TMEM178B: variants seen among roughly 807,000 people sequenced by gnomAD.
TMEM178B encodes the protein transmembrane protein 178B.
TMEM178B carries 5 observed loss-of-function variants against 31.0 expected under a neutral mutation model. The observed-to-expected ratio is 0.16, with a 90% confidence interval of 0.08 to 0.34. The LOEUF is 0.34. TMEM178B is among the 10% of genes least tolerant of loss of function. The pLI is 1.00. For missense variants in TMEM178B, 275 were observed against 400.3 expected, an observed-to-expected ratio of 0.69 and a Z score of 2.67; for synonymous variants, 164 against 164.0, an observed-to-expected ratio of 1.00 and a Z score of 0.00.
Position 141,074,367 on chromosome 7 carries a change from C to A in TMEM178B, c.57C>A (p.Leu19=). 2 of 1,536,132 alleles carry A rather than the reference C, an allele frequency of 1.3e-6. No individual in the cohort carries two copies. The highest frequency in any genetic ancestry group is 1.7e-6 in the Non-Finnish European group (2 of 1,146,866). The part of the protein sequence containing the change: ...YTGLSLALCA[L]GMLAVAICSD... ...GCCTCTCGCTAGCGCTCTGCGCCCT[C>A]GGCATGCTGGCCGTGGCCATCTGCT... is the stretch of plus-strand genomic sequence containing the variant. The change falls in exon 1 of 4, where the codon CTC becomes CTA. Residue 19 remains leucine (L), a synonymous_variant. Coordinates refer to ENST00000565468, the MANE Select transcript of TMEM178B (RefSeq NM_001195278.2). This position sits in a 1 kb window ranked among gnomAD's most constrained non-coding sequence, Gnocchi z 5.1.
At chr7:141,183,266 C>T (rs1860813) in intron 1 of TMEM178B, among the ~76,000 whole-genome samples, 112,677 of 152,092 alleles carry the variant, frequency 0.74, 42,412 homozygotes, top group African/African-American at 0.85. Flanking sequence ...CTTGTGATCT[C>T]TGGCGGCCTT....
intron 2 of TMEM178B, among the ~76,000 whole-genome samples, chr7:141,427,089 A>G (rs1801332450): frequency 6.6e-6 from 1 of 152,222 alleles, no homozygotes; most frequent in Non-Finnish European, 1.5e-5. Flanking sequence ...AAGATATTCC[A>G]TGTTCATGGA....
intron 2 of TMEM178B, among the ~76,000 whole-genome samples, chr7:141,285,268 A>G (rs376253699): frequency 1.8e-3 from 263 of 144,170 alleles, no homozygotes; most frequent in African/African-American, 6.4e-3. Context: ...CTCCTGCCTC[A>G]GCCTCCCGAG....
downstream of TMEM178B, among the ~76,000 whole-genome samples, chr7:141,481,253 GA>G (rs1284209115): frequency 9.2e-5 from 14 of 152,218 alleles, no homozygotes; most frequent in Non-Finnish European, 1.8e-4. Flanking sequence ...GCCATCTAAG[GA>G]GACTGAGAAA....
intron 1 of TMEM178B, among the ~76,000 whole-genome samples, chr7:141,140,108 G>A (rs1263146153): frequency 2.0e-5 from 3 of 152,134 alleles, no homozygotes; most frequent in Non-Finnish European, 4.4e-5. Context: ...TCAAGGTCTT[G>A]AGCGTCTGGC....
chr7:141,260,542 T>G (rs1173087905), intron 2 of TMEM178B, among the ~76,000 whole-genome samples: 2 of 152,190 alleles, frequency 1.3e-5, no homozygotes, highest in East Asian at 3.9e-4. Flanking sequence ...TCTGCCACTT[T>G]TGTGTAAAAT....
intron 2 of TMEM178B, among the ~76,000 whole-genome samples, chr7:141,386,340 T>C (rs184567802): frequency 1.2e-3 from 182 of 152,314 alleles, no homozygotes; most frequent in Non-Finnish European, 2.0e-3. Flanking sequence ...CTCTGAAATA[T>C]GGGAGAAGTC....
the TMEM178B span, among the ~76,000 whole-genome samples, chr7:141,490,133 G>A: frequency 6.6e-6 from 1 of 152,122 alleles, no homozygotes; most frequent in African/African-American, 2.4e-5. Flanking sequence ...GTGGTCTTCC[G>A]CTCCCTCCCC....
intron 2 of TMEM178B, among the ~76,000 whole-genome samples, chr7:141,334,801 T>A (rs1464547309): frequency 2.0e-5 from 3 of 152,196 alleles, no homozygotes; most frequent in African/African-American, 7.2e-5. Flanking sequence ...AAGTGTCAGC[T>A]CCTTATCCAG....
chr7:141,414,785 C>T (rs1018721891), intron 2 of TMEM178B: 6 of 152,208 alleles, frequency 3.9e-5, no homozygotes, highest in African/African-American at 1.4e-4. Flanking sequence ...ATCTGCTTCA[C>T]ATAAACATTA....
At chr7:141,238,544 C>T (rs1797565869) in intron 2 of TMEM178B, among the ~76,000 whole-genome samples, 1 of 152,050 alleles carries the variant, frequency 6.6e-6, no homozygotes, top group Non-Finnish European at 1.5e-5. Context: ...CTGCAGTGGA[C>T]CAGACAGGGA....
chr7:141,251,264 A>T (rs951579990), intron 2 of TMEM178B, among the ~76,000 whole-genome samples: 5 of 151,842 alleles, frequency 3.3e-5, no homozygotes, highest in Non-Finnish European at 7.4e-5. Flanking sequence ...AAAAACAACC[A>T]AACAAGCAGA....
At chr7:141,483,247 C>G (rs1393983096), downstream of TMEM178B, among the ~76,000 whole-genome samples, 1 of 152,210 alleles carries the variant, frequency 6.6e-6, no homozygotes, top group Non-Finnish European at 1.5e-5. Context: ...CTACTACACA[C>G]TGAGCTATGT....
At chr7:141,366,462 G>C (rs1800006511) in intron 2 of TMEM178B, among the ~76,000 whole-genome samples, 1 of 152,180 alleles carries the variant, frequency 6.6e-6, no homozygotes, top group African/African-American at 2.4e-5. Flanking sequence ...ACATTTCCTT[G>C]TGTTTAAGGC....
chr7:141,441,646 A>C (rs547041122), intron 3 of TMEM178B, among the ~76,000 whole-genome samples: 41 of 152,340 alleles, frequency 2.7e-4, no homozygotes, highest in African/African-American at 9.4e-4. Context: ...GGCAGCAAGA[A>C]TGAAGAAGGT....
chr7:141,456,682 A>G (rs1000890811), intron 3 of TMEM178B, among the ~76,000 whole-genome samples: 1 of 152,236 alleles, frequency 6.6e-6, no homozygotes, highest in Non-Finnish European at 1.5e-5. Flanking sequence ...GTTCCCAGCA[A>G]GAAACCCAGG....
chr7:141,252,622 A>G (rs1586851613), intron 2 of TMEM178B, among the ~76,000 whole-genome samples: 1 of 152,318 alleles, frequency 6.6e-6, no homozygotes, highest in Non-Finnish European at 1.5e-5. Flanking sequence ...GCTCTTGTTG[A>G]AAGCCTTGTG....
chr7:141,371,899 C>T (rs1800123939), intron 2 of TMEM178B, among the ~76,000 whole-genome samples: 1 of 152,182 alleles, frequency 6.6e-6, no homozygotes, highest in South Asian at 2.1e-4. Flanking sequence ...TACCAGTGCT[C>T]CACTTCTCAT....
chr7:141,272,982 G>A (rs1257476635), intron 2 of TMEM178B, among the ~76,000 whole-genome samples: 1 of 152,106 alleles, frequency 6.6e-6, no homozygotes, highest in Admixed American at 6.6e-5. Context: ...GTCCATCAAT[G>A]CATGAATAAA....
Sources: allele counts gnomAD v4.1 joint callset (sites outside exome capture counted in the v4.1 genomes callset), GRCh38; gene constraint gnomAD v4.1.1; non-coding constraint Gnocchi (gnomAD v3.1); transcripts MANE v1.5; gene names NCBI Gene and HGNC (gene_info 2026-07-23, HGNC 2026-07-21).